The following LIN9 variants were observed in gnomAD, a reference collection of about 807,000 sequenced individuals.
LIN9 encodes the protein protein lin-9 homolog.
Under a neutral mutation model 78.0 loss-of-function variants are expected in LIN9, and 18 were observed. The observed-to-expected ratio is 0.23, with a 90% confidence interval of 0.16 to 0.34. The LOEUF is 0.34. Among genes scored for constraint, LIN9 ranks in the 10% least tolerant of loss-of-function variants. The probability of loss-of-function intolerance (pLI) is 1.00; values close to 1 mark genes in which losing one functional copy is unlikely to be tolerated. For missense variants in LIN9, 451 were observed against 644.1 expected, an observed-to-expected ratio of 0.70 and a Z score of 3.25; for synonymous variants, 192 against 215.2, an observed-to-expected ratio of 0.89 and a Z score of 0.94.
chr1:226,240,140 T>A (rs1178108343), intron 11 of LIN9, among the ~76,000 whole-genome samples: 2 of 152,134 alleles, frequency 1.3e-5, no homozygotes, highest in Non-Finnish European at 2.9e-5. Context: ...CCTAGAAAAG[T>A]TAAATGACTT....
At chr1:226,267,310 T>TG (rs1553278726) in intron 8 of LIN9, among the ~76,000 whole-genome samples, 1 of 33,622 alleles carries the variant, frequency 3.0e-5, no homozygotes, top group Non-Finnish European at 6.2e-5. Context: ...TGTATATATA[T>TG]TATGTATATA....
intron 1 of LIN9, among the ~76,000 whole-genome samples, chr1:226,305,335 A>G (rs1036190516): frequency 6.7e-6 from 1 of 150,244 alleles, no homozygotes; most frequent in African/African-American, 2.4e-5. Context: ...AAAAAAAAAA[A>G]AAAAAACCTT....
intron 2 of LIN9, 143 bp from the exon 3 acceptor site, chr1:226,297,956 T>A: frequency 2.6e-6 from 1 of 387,456 alleles, no homozygotes; most frequent in Non-Finnish European, 4.5e-6. Context: ...TTTAGATTAT[T>A]ATAAATGAAA....
intron 7 of LIN9, among the ~76,000 whole-genome samples, chr1:226,269,125 A>G (rs79923087): frequency 1.4e-3 from 206 of 152,356 alleles, no homozygotes; most frequent in African/African-American, 4.7e-3. Context: ...TGGGCAAAGT[A>G]ATACATTTTA....
chr1:226,275,214 T>C (rs904090061), intron 7 of LIN9, among the ~76,000 whole-genome samples: 3 of 152,242 alleles, frequency 2.0e-5, no homozygotes, highest in South Asian at 4.1e-4. Context: ...GTGAACTTGA[T>C]ATAATTTCCA....
intron 4 of LIN9, among the ~76,000 whole-genome samples, chr1:226,289,838 G>GGGGAT (rs1553283395): frequency 5.1e-5 from 3 of 59,170 alleles, no homozygotes; most frequent in South Asian, 8.0e-4. Flanking sequence ...GTCCTCCGGG[G>GGGGAT]GGGGGGGTGG....
chr1:226,240,186 A>G (rs772192742), intron 11 of LIN9, among the ~76,000 whole-genome samples: 1 of 152,192 alleles, frequency 6.6e-6, no homozygotes, highest in Non-Finnish European at 1.5e-5. Flanking sequence ...CTGATTACTT[A>G]ATGATGACAA....
chr1:226,235,457 G>A (rs375645048), intron 12 of LIN9, among the ~76,000 whole-genome samples: 3 of 151,588 alleles, frequency 2.0e-5, no homozygotes, highest in African/African-American at 7.3e-5. Flanking sequence ...TATAAGTTGA[G>A]TATCCCTTAT....
chr1:226,251,705 A>C (rs929804302), intron 10 of LIN9, among the ~76,000 whole-genome samples: 5 of 152,200 alleles, frequency 3.3e-5, no homozygotes, highest in African/African-American at 9.7e-5. Flanking sequence ...CGACAAGCAA[A>C]TATTATTTTA....
chr1:226,304,666 T>C (rs1403137276), intron 1 of LIN9, among the ~76,000 whole-genome samples: 1 of 151,932 alleles, frequency 6.6e-6, no homozygotes, highest in Non-Finnish European at 1.5e-5. Flanking sequence ...ATCAAAGCAA[T>C]GAGTCTGGGC....
intron 4 of LIN9, among the ~76,000 whole-genome samples, chr1:226,290,729 T>C (rs1661727343): frequency 1.3e-5 from 2 of 152,144 alleles, no homozygotes; most frequent in Admixed American, 1.3e-4. Flanking sequence ...AACTCTAATA[T>C]ATATAAACCA....
intron 4 of LIN9, among the ~76,000 whole-genome samples, chr1:226,289,334 T>TTG (rs549091384): frequency 0.046 from 6,923 of 150,176 alleles, 169 homozygotes; most frequent in Non-Finnish European, 0.051. Flanking sequence ...TAAACCAATT[T>TTG]TGTGTGTGTG....
chr1:226,290,494 C>A (rs2102639585), intron 4 of LIN9, among the ~76,000 whole-genome samples: 1 of 152,098 alleles, frequency 6.6e-6, no homozygotes, highest in East Asian at 1.9e-4. Context: ...GCGCCCGCCA[C>A]CACGCCCGGC....
At chr1:226,304,961 G>T (rs938593647) in intron 1 of LIN9, among the ~76,000 whole-genome samples, 15 of 152,090 alleles carry the variant, frequency 9.9e-5, no homozygotes, top group Admixed American at 9.8e-4. Context: ...CACTTTGGGG[G>T]GCTAAATGAC....
chr1:226,266,034 A>C (rs563844028), intron 9 of LIN9, among the ~76,000 whole-genome samples, 179 bp downstream of exon 9: 88 of 152,266 alleles, frequency 5.8e-4, no homozygotes, highest in African/African-American at 2.1e-3. Flanking sequence ...TATTATATTA[A>C]AATCCAATAA....
In LIN9 at chr1:226,287,475, C is replaced by T. The variant is rs554185085; in HGVS notation, c.398+189G>A. ...TTCACAAAAATGTACAGTTTTCTTC[C>T]CCAAAAAGGATAACAGGGAAGAAAA... On this transcript the variant is annotated intron_variant, in intron 5 of 14. Transcript: ENST00000681046. 2.7e-4 allele frequency among the ~76,000 whole-genome samples: 41 copies of T among 151,986 alleles called. 1 individual carries two copies. The highest frequency in any genetic ancestry group is 8.9e-4 in the African/African-American group (37 of 41,444).
intron 10 of LIN9, among the ~76,000 whole-genome samples, chr1:226,256,006 CAG>C: frequency 6.6e-6 from 1 of 152,040 alleles, no homozygotes; most frequent in Non-Finnish European, 1.5e-5. Context: ...CTAAGAATCT[CAG>C]AGAATACCAA....
At chr1:226,289,695 G>A (rs1051440954) in intron 4 of LIN9, among the ~76,000 whole-genome samples, 4 of 152,034 alleles carry the variant, frequency 2.6e-5, no homozygotes, top group Non-Finnish European at 5.9e-5. Flanking sequence ...ATAGAGATAT[G>A]CTAGATGTAG....
At chr1:226,232,671 G>A (rs1227675784) in intron 14 of LIN9, 65 bp from the exon 15 acceptor site, 1 of 928,180 alleles carries the variant, frequency 1.1e-6, no homozygotes, top group Non-Finnish European at 1.6e-6. Context: ...ATTTTTAAAA[G>A]AAGACCTGAA....
Sources: allele counts gnomAD v4.1 joint callset (sites outside exome capture counted in the v4.1 genomes callset), GRCh38; gene constraint gnomAD v4.1.1; transcripts MANE v1.5; gene names NCBI Gene and HGNC (gene_info 2026-07-23, HGNC 2026-07-21).